CACNA2D3: variants seen among roughly 807,000 people sequenced by gnomAD.
CACNA2D3 encodes the protein calcium voltage-gated channel auxiliary subunit alpha2delta 3, also known as voltage-dependent calcium channel subunit alpha-2/delta-3.
In CACNA2D3, 60 loss-of-function variants were observed where a neutral mutation model predicts 160.6. That is an observed-to-expected ratio of 0.37 (90% CI 0.30 to 0.46). CACNA2D3 has a LOEUF of 0.46. CACNA2D3 is among the 20% of genes least tolerant of loss of function. The pLI is 1.00. For synonymous variants in CACNA2D3, 558 were observed against 492.9 expected, an observed-to-expected ratio of 1.13 and a Z score of -1.75; for missense variants, 1,205 against 1,365.0, an observed-to-expected ratio of 0.88 and a Z score of 1.85.
At chr3:55,055,330 G>A (rs1704335026) in intron 35 of CACNA2D3, among the ~76,000 whole-genome samples, 1 of 152,024 alleles carries the variant, frequency 6.6e-6, no homozygotes, top group African/African-American at 2.4e-5. Flanking sequence ...TTCTCAGTGT[G>A]TATTCCAGTA....
At chr3:55,025,077 G>A (rs1404549850) in intron 35 of CACNA2D3, among the ~76,000 whole-genome samples, 2 of 152,168 alleles carry the variant, frequency 1.3e-5, no homozygotes, top group African/African-American at 4.8e-5. Context: ...AGTAGAGCGA[G>A]TTAGGGTTCT....
At chr3:54,652,059 C>A in intron 11 of CACNA2D3, among the ~76,000 whole-genome samples, 1 of 152,186 alleles carries the variant, frequency 6.6e-6, no homozygotes, top group East Asian at 1.9e-4. Context: ...ATTTGCCCAA[C>A]TCCACAGGCA....
At chr3:54,729,892 A>G (rs1268681982) in intron 11 of CACNA2D3, among the ~76,000 whole-genome samples, 1 of 151,556 alleles carries the variant, frequency 6.6e-6, no homozygotes, top group East Asian at 1.9e-4. Context: ...CCAGTTACTC[A>G]GGAGGCTAAG....
chr3:54,439,722 C>T (rs933809305), intron 4 of CACNA2D3, among the ~76,000 whole-genome samples: 2 of 152,096 alleles, frequency 1.3e-5, no homozygotes, highest in African/African-American at 4.8e-5. Context: ...GAGGCAGTCA[C>T]AGAGGAGGCT....
At chr3:54,273,873 T>C (rs1417504939) in intron 2 of CACNA2D3, among the ~76,000 whole-genome samples, 1 of 152,142 alleles carries the variant, frequency 6.6e-6, no homozygotes. Context: ...GATGGCCTTA[T>C]CTCTAGGGCA....
intron 27 of CACNA2D3, among the ~76,000 whole-genome samples, chr3:54,930,426 G>C (rs946577897): frequency 1.3e-5 from 2 of 152,224 alleles, no homozygotes; most frequent in African/African-American, 2.4e-5. Flanking sequence ...GGCTTAGACA[G>C]ACAGAGAATT....
chr3:55,010,690 G>A lies in CACNA2D3; in HGVS notation c.2875+1247G>A, dbSNP rs886865654. On this transcript the variant is annotated intron_variant, in intron 34 of 37. Transcript: ENST00000474759. ...AAAGAGATTGATTAGTCACATATCAGCATTGCCCCAGGTGCTGGATCTATT... is the reference window on the plus strand; with the variant it reads ...AAAGAGATTGATTAGTCACATATCAACATTGCCCCAGGTGCTGGATCTATT... 2.5e-4 allele frequency among the ~76,000 whole-genome samples: 38 copies of A among 152,180 alleles called. 1 individual carries two copies. The highest frequency in any genetic ancestry group is 1.3e-4 in the Non-Finnish European group (9 of 68,024).
chr3:54,600,895 C>T (rs1462375913), intron 9 of CACNA2D3, among the ~76,000 whole-genome samples: 5 of 152,108 alleles, frequency 3.3e-5, no homozygotes, highest in South Asian at 4.2e-4. Context: ...CACTTGATCT[C>T]GTTGCCCAGA....
intron 27 of CACNA2D3, among the ~76,000 whole-genome samples, chr3:54,917,368 C>T (rs1700686383): frequency 6.6e-6 from 1 of 152,202 alleles, no homozygotes; most frequent in Admixed American, 6.5e-5. Flanking sequence ...TTGAGGATAG[C>T]TGCCGCCACC....
chr3:54,703,822 A>G (rs1477161691), intron 11 of CACNA2D3, among the ~76,000 whole-genome samples: 2 of 152,186 alleles, frequency 1.3e-5, no homozygotes, highest in Admixed American at 1.3e-4. Flanking sequence ...ATAATGAAAC[A>G]AGGGCTTTGG....
chr3:54,926,564 A>G (rs575722329), intron 27 of CACNA2D3, among the ~76,000 whole-genome samples: 4 of 151,532 alleles, frequency 2.6e-5, no homozygotes, highest in South Asian at 4.2e-4. Context: ...TCTGTTTTAC[A>G]TAACACTTTT....
chr3:54,862,915 T>C (rs1699323221), intron 17 of CACNA2D3, among the ~76,000 whole-genome samples: 1 of 152,224 alleles, frequency 6.6e-6, no homozygotes. Context: ...TGTCCCTAAT[T>C]GTACCTCATA....
chr3:55,065,765 GAAAA>G (rs199881643), intron 35 of CACNA2D3, among the ~76,000 whole-genome samples: 2 of 150,408 alleles, frequency 1.3e-5, no homozygotes, highest in South Asian at 2.1e-4. Flanking sequence ...GGAAACGAAA[GAAAA>G]AAAAATTGTT....
chr3:54,914,255 G>A (rs1200864140), intron 27 of CACNA2D3, among the ~76,000 whole-genome samples: 1 of 152,056 alleles, frequency 6.6e-6, no homozygotes, highest in Non-Finnish European at 1.5e-5. Context: ...CAGTTGATCA[G>A]TAATGGATAC....
chr3:54,610,737 C>T (rs1698735354), intron 9 of CACNA2D3, among the ~76,000 whole-genome samples: 1 of 152,112 alleles, frequency 6.6e-6, no homozygotes, highest in Non-Finnish European at 1.5e-5. Context: ...TCAAGTGATT[C>T]TTCTGCCTCA....
chr3:54,618,341 G>A (rs1698899800), intron 9 of CACNA2D3, among the ~76,000 whole-genome samples: 2 of 55,266 alleles, frequency 3.6e-5, no homozygotes, highest in Non-Finnish European at 7.9e-5. Flanking sequence ...TCAAATTGAT[G>A]TTGATACATA....
chr3:54,663,153 A>G (rs960266685), intron 11 of CACNA2D3, among the ~76,000 whole-genome samples: 3 of 152,384 alleles, frequency 2.0e-5, no homozygotes, highest in Non-Finnish European at 4.4e-5. Flanking sequence ...AGAACCCTCC[A>G]GAGCTTTCTG....
intron 35 of CACNA2D3, among the ~76,000 whole-genome samples, chr3:55,021,715 G>GTGTATATATATATA (rs1553632885): frequency 4.2e-5 from 6 of 141,406 alleles, no homozygotes; most frequent in African/African-American, 1.3e-4. Flanking sequence ...ATATGTGTGT[G>GTGTATATATATATA]TATATATATA....
chr3:54,454,737 C>T (rs1700368063), intron 4 of CACNA2D3, among the ~76,000 whole-genome samples: 1 of 151,954 alleles, frequency 6.6e-6, no homozygotes, highest in South Asian at 2.1e-4. Flanking sequence ...ATTAACCAAC[C>T]TTTGGCTATC....
Sources: gnomAD v4.1 joint callset for allele counts (sites outside exome capture counted in the v4.1 genomes callset) on GRCh38, gnomAD v4.1.1 for gene constraint, MANE v1.5 for transcripts, NCBI Gene and HGNC (gene_info 2026-07-23, HGNC 2026-07-21) for gene names.